PRDM15: variants seen among roughly 807,000 people sequenced by gnomAD.
The protein encoded by PRDM15 is PR domain zinc finger protein 15.
In PRDM15, 64 loss-of-function variants were observed where a neutral mutation model predicts 128.6. The ratio of observed to expected loss-of-function variants is 0.50; its 90% CI spans 0.41 to 0.61. The LOEUF (loss-of-function observed/expected upper bound fraction) is 0.61. Among genes scored for constraint, PRDM15 ranks in the 20% least tolerant of loss-of-function variants. The probability of loss-of-function intolerance (pLI) is 0.00; values close to 1 mark genes in which losing one functional copy is unlikely to be tolerated. For synonymous variants in PRDM15, 615 were observed against 621.8 expected, an observed-to-expected ratio of 0.99 and a Z score of 0.16; for missense variants, 1,242 against 1,569.1, an observed-to-expected ratio of 0.79 and a Z score of 3.52.
chr21:41,820,990 T>C lies in PRDM15; in HGVS notation c.2060+77A>G, dbSNP rs2062239277. 7.6e-6 allele frequency: 12 copies of C among 1,575,012 alleles called. No homozygotes were observed. The South Asian group carries it at 1.3e-4, about 17-fold the overall frequency. ...TTGTTGGAAGCTACAAATGGCTCCT[T>C]ATAGCATGTGTCTCTTTGCAAGGAA... On this transcript the variant is annotated intron_variant, in intron 16 of 23. Coordinates refer to ENST00000398548, the MANE Select transcript of PRDM15 (RefSeq NM_001040424.3).
chr21:41,806,498 CCACCAT>C lies in PRDM15; in HGVS notation c.2653-1890_2653-1885del, dbSNP rs1391970417. On this transcript the variant is annotated intron_variant, in intron 21 of 23. Coordinates refer to ENST00000398548, the MANE Select transcript of PRDM15 (RefSeq NM_001040424.3). ...CCACCCATTACTACCACCACCATCA[CCACCAT>C]CACCATCACCACCACCATCACCACC... is the stretch of plus-strand genomic sequence containing the variant. Among the ~76,000 whole-genome samples, 5 of 69,370 alleles carry C rather than the reference CCACCAT, an allele frequency of 7.2e-5. 1 individual carries two copies. Among genetic ancestry groups the C allele is most frequent in the African/African-American group, 2.9e-4 (4 of 13,864 alleles). The allele number at this position is 69,370 out of a possible 152,430, so 45.5% of individuals were successfully genotyped here. A position where few individuals can be genotyped will look rare whatever the true frequency, so the allele number is the denominator to read the frequency against.
rs1461623635 is a variant in PRDM15, at chr21:41,862,425, C to T, written c.-9-2053G>A. Reference sequence around the variant, plus strand: ...CAGACCTTGCCTCTGGCCTACACCTCTCACAGACTGCCCACCCCTTCTAGG... The same window carrying T: ...CAGACCTTGCCTCTGGCCTACACCTTTCACAGACTGCCCACCCCTTCTAGG... On this transcript the variant is annotated intron_variant, in intron 1 of 23. Transcript: ENST00000398548. The surrounding 1 kb of genome is among the most constrained non-coding windows in gnomAD (Gnocchi z 4.1). 6.6e-6 allele frequency among the ~76,000 whole-genome samples: 1 copy of T among 152,174 alleles called. No individual in the cohort carries two copies. Among genetic ancestry groups the T allele is most frequent in the African/African-American group, 2.4e-5 (1 of 41,422 alleles).
At chr21:41,842,609 G>A (rs1305604313) in intron 6 of PRDM15, among the ~76,000 whole-genome samples, 1 of 152,078 alleles carries the variant, frequency 6.6e-6, no homozygotes, top group Non-Finnish European at 1.5e-5. Context: ...TCCTGCCCCA[G>A]CCTCCTGAGT....
chr21:41,840,549 G>A (rs774209287), intron 6 of PRDM15, among the ~76,000 whole-genome samples: 1 of 151,884 alleles, frequency 6.6e-6, no homozygotes, highest in Admixed American at 6.6e-5. Flanking sequence ...GTGCATGGAA[G>A]GACCACTGTA....
chr21:41,859,733 T>A lies in PRDM15; in HGVS notation c.38-48A>T, dbSNP rs780298581. The A allele has an allele frequency of 2.0e-6, 3 of 1,515,300 alleles. No individual in the cohort carries two copies. Among genetic ancestry groups the A allele is most frequent in the Non-Finnish European group, 2.7e-6 (3 of 1,096,960 alleles). The allele number at this position is 1,515,300 out of a possible 1,614,324, so 93.9% of individuals were successfully genotyped here. On this transcript the variant is annotated intron_variant, in intron 2 of 23. Coordinates refer to ENST00000398548, the MANE Select transcript of PRDM15 (RefSeq NM_001040424.3). This position sits in a 1 kb window ranked among gnomAD's most constrained non-coding sequence, Gnocchi z 5.3. ...TAGAGCACCCAGGGAGGGAGACACC[T>A]AAAGAACACAAACCTGGGAAATGGG...
chr21:41,809,878 G>A (rs963806002), intron 21 of PRDM15, among the ~76,000 whole-genome samples: 2 of 152,184 alleles, frequency 1.3e-5, no homozygotes. Flanking sequence ...AAGAATGGGG[G>A]GAGTGGCAGG....
chr21:41,866,161 T>C (rs1040897361), intron 1 of PRDM15, among the ~76,000 whole-genome samples: 1 of 152,188 alleles, frequency 6.6e-6, no homozygotes, highest in Non-Finnish European at 1.5e-5. Flanking sequence ...CCCTGATAAA[T>C]CTTTTGACCT....
In PRDM15 at chr21:41,821,276, C is replaced by G; in HGVS notation, c.1897-46G>C. 1 of 1,610,092 alleles carries G rather than the reference C, an allele frequency of 6.2e-7. No homozygotes were observed. The highest frequency in any genetic ancestry group is 8.5e-7 in the Non-Finnish European group (1 of 1,178,080). ...GCACTGCTGACACCCGCATGAGGTC[C>G]CTGGTCCTCTTAGCTAATGAGGTCG... On this transcript the variant is annotated intron_variant, in intron 15 of 23. Transcript: ENST00000398548. This position sits in a 1 kb window ranked among gnomAD's most constrained non-coding sequence, Gnocchi z 5.4.
chr21:41,859,299 T>G lies in PRDM15; in HGVS notation c.131+293A>C. ...CTGGTGCTCAGCACGTCAACCACCT[T>G]GGCAAGTCCACTCTTCTGCAGCCTC... On this transcript the variant is annotated intron_variant, in intron 3 of 23. Coordinates refer to ENST00000398548, the MANE Select transcript of PRDM15 (RefSeq NM_001040424.3). This position sits in a 1 kb window ranked among gnomAD's most constrained non-coding sequence, Gnocchi z 5.3. 3 of 1,425,276 alleles carry G rather than the reference T, an allele frequency of 2.1e-6. No individual in the cohort carries two copies. Among genetic ancestry groups the G allele is most frequent in the Non-Finnish European group, 2.9e-6 (3 of 1,023,660 alleles). 88.3% of individuals were successfully genotyped at this position (1,425,276 alleles called of 1,614,324 possible).
At chr21:41,803,990 A>G (rs1158180690) in intron 22 of PRDM15, among the ~76,000 whole-genome samples, 2 of 141,222 alleles carry the variant, frequency 1.4e-5, no homozygotes, top group East Asian at 4.0e-4. Flanking sequence ...TTTCAGACAC[A>G]GTCTCGCTCT....
rs762102628 is a variant in PRDM15 at position 41,828,253 on chromosome 21, C to A, written c.1447G>T (p.Gly483Cys). ...SNLSKHKKKH[G>C]DKKFACEVCS... ...ACCTCACAGGCAAACTTCTTGTCGC[C>A]GTGCTTCTTCTTGTGCTTGGAGAGG... is the stretch of plus-strand genomic sequence containing the variant. The change falls in exon 12 of 24, where the codon GGC becomes TGC. Residue 483 changes from glycine (G) to cysteine (C), a missense_variant. This residue lies in a region of PRDM15 where 612 missense variants were observed against 717.0 expected (regional missense o/e 0.85). Transcript: ENST00000398548. This position sits in a 1 kb window ranked among gnomAD's most constrained non-coding sequence, Gnocchi z 5.7. 2.5e-6 allele frequency: 4 copies of A among 1,613,878 alleles called. No homozygotes were observed. The highest frequency in any genetic ancestry group is 3.4e-6 in the Non-Finnish European group (4 of 1,179,980).
rs986549402 is a variant in PRDM15 at position 41,854,493 on chromosome 21, A to G, written c.538+73T>C. 47 of 1,573,866 alleles carry G rather than the reference A, an allele frequency of 3.0e-5. No homozygotes were observed. In the South Asian group the frequency reaches 3.9e-4, roughly 13 times the overall value. ...CATCTCATCAGTGTGGGGTCAGCAC[A>G]GAGCCAAGGGACCATAACCCCTTCG... is the stretch of plus-strand genomic sequence containing the variant. On this transcript the variant is annotated intron_variant, in intron 5 of 23. Transcript: ENST00000398548. This position sits in a 1 kb window ranked among gnomAD's most constrained non-coding sequence, Gnocchi z 4.6.
At chr21:41,806,757 GCCA>G (rs1480766038) in intron 21 of PRDM15, among the ~76,000 whole-genome samples, 3 of 105,974 alleles carry the variant, frequency 2.8e-5, no homozygotes, top group African/African-American at 3.9e-5. Flanking sequence ...CATCACCACC[GCCA>G]CCACCATCAC....
Position 41,832,157 on chromosome 21 carries a change from T to G in PRDM15, c.1366+3280A>C, listed in dbSNP as rs2062714659. Among the ~76,000 whole-genome samples, 1 of 152,228 alleles carries G rather than the reference T, an allele frequency of 6.6e-6. No individual in the cohort carries two copies. The highest frequency in any genetic ancestry group is 2.4e-5 in the African/African-American group (1 of 41,458). On this transcript the variant is annotated intron_variant, in intron 11 of 23. Coordinates refer to ENST00000398548, the MANE Select transcript of PRDM15 (RefSeq NM_001040424.3). This position sits in a 1 kb window ranked among gnomAD's most constrained non-coding sequence, Gnocchi z 4.2. ...ATCCAGCTCACTTCTCAAAACTCACTTTGCTATTTTTGACACTGTAGATAA... is the reference window on the plus strand; with the variant it reads ...ATCCAGCTCACTTCTCAAAACTCACGTTGCTATTTTTGACACTGTAGATAA...
chr21:41,862,141 G>T lies in PRDM15; in HGVS notation c.-9-1769C>A. 1.5e-6 allele frequency: 1 copy of T among 678,218 alleles called. No individual in the cohort carries two copies. Among genetic ancestry groups the T allele is most frequent in the South Asian group, 1.7e-5 (1 of 59,136 alleles). 42.0% of individuals were successfully genotyped at this position (678,218 alleles called of 1,614,324 possible). On this transcript the variant is annotated intron_variant, in intron 1 of 23. Transcript: ENST00000398548. The surrounding 1 kb of genome is among the most constrained non-coding windows in gnomAD (Gnocchi z 4.1). ...GTGGGGAGGGCGCACGCTTTCATGAGTTGCTGCTGTGCTACTGGAGGTGTA... is the reference window on the plus strand; with the variant it reads ...GTGGGGAGGGCGCACGCTTTCATGATTTGCTGCTGTGCTACTGGAGGTGTA...
chr21:41,823,076 G>A, intron 14 of PRDM15: 2 of 496,540 alleles, frequency 4.0e-6, no homozygotes, highest in Non-Finnish European at 3.7e-6. Context: ...TTATAGAAGA[G>A]ATCCCTACCC....
At chr21:41,839,422 T>C (rs1333947764) in intron 7 of PRDM15, among the ~76,000 whole-genome samples, 2 of 152,244 alleles carry the variant, frequency 1.3e-5, no homozygotes, top group East Asian at 1.9e-4. Flanking sequence ...GTATCCTTTT[T>C]AGTGTGACAT....
chr21:41,801,036 C>A lies in PRDM15; in HGVS notation c.*204G>T. On this transcript the variant is annotated 3_prime_UTR_variant, in exon 24 of 24. Transcript: ENST00000398548. Reference sequence around the variant, plus strand: ...GTGTGGAGCCCCATCCAGTTTAAAACTCTGGCCTGCCAGAGGTCCCTTCTA... The same window carrying A: ...GTGTGGAGCCCCATCCAGTTTAAAAATCTGGCCTGCCAGAGGTCCCTTCTA... 1.5e-6 allele frequency: 1 copy of A among 657,230 alleles called. No individual in the cohort carries two copies. Among genetic ancestry groups the A allele is most frequent in the Non-Finnish European group, 2.4e-6 (1 of 415,184 alleles). 40.7% of individuals were successfully genotyped at this position (657,230 alleles called of 1,614,324 possible).
intron 11 of PRDM15, among the ~76,000 whole-genome samples, chr21:41,829,327 A>T (rs2062600597): frequency 6.6e-6 from 1 of 151,128 alleles, no homozygotes; most frequent in Non-Finnish European, 1.5e-5. Context: ...TACTCAACAC[A>T]CCACACAAAA....
Sources: gnomAD v4.1 joint callset for allele counts (sites outside exome capture counted in the v4.1 genomes callset) on GRCh38, gnomAD v4.1.1 for gene constraint, gnomAD v4.1.1 regional missense constraint, Gnocchi (gnomAD v3.1) non-coding constraint, MANE v1.5 for transcripts, NCBI Gene and HGNC (gene_info 2026-07-23, HGNC 2026-07-21) for gene names.